Variants in RBFOX1 observed in about 807,000 individuals in gnomAD.
RBFOX1 encodes RNA binding protein fox-1 homolog 1.
A neutral mutation model predicts 57.7 loss-of-function variants in RBFOX1; 8 were observed. That is an observed-to-expected ratio of 0.14 (90% CI 0.08 to 0.25). The LOEUF (loss-of-function observed/expected upper bound fraction) is 0.25. RBFOX1 is among the 10% of genes least tolerant of loss of function. The pLI, the probability that RBFOX1 is intolerant of heterozygous loss-of-function variation, is 1.00. For missense variants in RBFOX1, 611 were observed against 548.5 expected (o/e 1.11, Z -1.14); for synonymous variants, 326 against 222.4 (o/e 1.47, Z -4.15).
chr16:5,670,244 G>A (rs1449181273), intron 3 of RBFOX1, among the ~76,000 whole-genome samples: 1 of 152,134 alleles, frequency 6.6e-6, no homozygotes, highest in Non-Finnish European at 1.5e-5. Flanking sequence ...AAATGTTCTG[G>A]ACTCAGATAG....
intron 3 of RBFOX1, among the ~76,000 whole-genome samples, chr16:6,718,000 C>T (rs1360461110): frequency 2.0e-5 from 3 of 152,276 alleles, no homozygotes; most frequent in African/African-American, 7.2e-5. Context: ...CCATTTTCTA[C>T]CACCACCACC....
chr16:7,143,233 C>G (rs190543606), intron 4 of RBFOX1, among the ~76,000 whole-genome samples: 53 of 151,852 alleles, frequency 3.5e-4, no homozygotes, highest in African/African-American at 1.2e-3. Context: ...GTGTTTTGAT[C>G]AGGGAAAATT....
At chr16:6,812,808 C>A (rs774436355) in intron 3 of RBFOX1, among the ~76,000 whole-genome samples, 3 of 152,258 alleles carry the variant, frequency 2.0e-5, no homozygotes, top group East Asian at 1.9e-4. Flanking sequence ...CTGTTTTACT[C>A]CATTAGGTTT....
chr16:7,469,097 C>G (rs1448425622), intron 4 of RBFOX1, among the ~76,000 whole-genome samples: 1 of 152,098 alleles, frequency 6.6e-6, no homozygotes, highest in African/African-American at 2.4e-5. Context: ...CCATGCCCGG[C>G]TAATTTTTTT....
At chr16:7,033,476 C>G (rs894005396) in intron 3 of RBFOX1, among the ~76,000 whole-genome samples, 2 of 152,080 alleles carry the variant, frequency 1.3e-5, no homozygotes, top group African/African-American at 4.8e-5. Context: ...GCCAAGATTG[C>G]GCCACTGCAG....
At chr16:7,109,464 G>A (rs985623756) in intron 4 of RBFOX1, among the ~76,000 whole-genome samples, 1 of 152,140 alleles carries the variant, frequency 6.6e-6, no homozygotes, top group Non-Finnish European at 1.5e-5. Context: ...CCAGGTGGAT[G>A]TATGGAAGGA....
At chr16:6,412,553 T>C (rs550520140) in intron 2 of RBFOX1, among the ~76,000 whole-genome samples, 1 of 152,360 alleles carries the variant, frequency 6.6e-6, no homozygotes, top group South Asian at 2.1e-4. Context: ...CCAATGTCTT[T>C]GAAACCTTTT....
intron 4 of RBFOX1, among the ~76,000 whole-genome samples, chr16:5,884,250 C>A (rs773730530): frequency 4.6e-5 from 7 of 152,158 alleles, no homozygotes; most frequent in Non-Finnish European, 1.0e-4. Context: ...CTTCATGCCT[C>A]CCCAGCAGAG....
chr16:7,381,010 T>C (rs1473469691), intron 4 of RBFOX1, among the ~76,000 whole-genome samples: 2 of 152,364 alleles, frequency 1.3e-5, no homozygotes, highest in East Asian at 1.9e-4. Context: ...CTGTCTTGCA[T>C]GAAACACTTT....
At chr16:6,381,317 C>T (rs750786231) in intron 2 of RBFOX1, among the ~76,000 whole-genome samples, 6 of 152,260 alleles carry the variant, frequency 3.9e-5, no homozygotes, top group Admixed American at 2.6e-4. Context: ...TTTTTCAACC[C>T]TCACCTCCCT....
At chr16:6,929,007 G>A (rs1409463400) in intron 3 of RBFOX1, among the ~76,000 whole-genome samples, 8 of 152,082 alleles carry the variant, frequency 5.3e-5, no homozygotes, top group Admixed American at 2.6e-4. Context: ...TCACAGACAC[G>A]CATGCTTGAG....
chr16:6,537,387 G>T (rs1268628535), intron 2 of RBFOX1, among the ~76,000 whole-genome samples: 1 of 152,074 alleles, frequency 6.6e-6, no homozygotes. Context: ...AATTGTGTAG[G>T]TATTCATATA....
In RBFOX1 at chr16:7,372,052, GC is replaced by G. The variant is rs1949176415; in HGVS notation, c.28-146092del. On this transcript the variant is annotated intron_variant, in intron 4 of 15. Transcript: ENST00000550418. ...ATATTTAAATAAAACATATATATGG[GC>G]CCTGATTACTTTTTACTGCCATGTT... 2.6e-5 allele frequency among the ~76,000 whole-genome samples: 4 copies of G among 151,936 alleles called. No individual in the cohort carries two copies. The South Asian group carries it at 8.3e-4, about 32-fold the overall frequency.
intron 4 of RBFOX1, among the ~76,000 whole-genome samples, chr16:7,106,984 A>AAACACACACACACACACACACACACAC (rs529197707): frequency 6.7e-6 from 1 of 148,514 alleles, no homozygotes; most frequent in Admixed American, 6.7e-5. Context: ...ACACAGTTAA[A>AAACACACACACACACACACACACACAC]ACACACACAC....
At chr16:7,709,250 C>A in intron 15 of RBFOX1, 119 bp downstream of exon 15, 2 of 1,052,354 alleles carry the variant, frequency 1.9e-6, no homozygotes, top group Non-Finnish European at 2.7e-6. Flanking sequence ...GTCTCTTGTG[C>A]TAACAGCAGC....
intron 4 of RBFOX1, among the ~76,000 whole-genome samples, chr16:7,150,977 G>A (rs922756909): frequency 1.9e-4 from 29 of 152,114 alleles, no homozygotes; most frequent in Admixed American, 1.4e-3. Context: ...ATTACATTGG[G>A]CCACATCTTG....
intron 2 of RBFOX1, among the ~76,000 whole-genome samples, chr16:6,433,207 T>C (rs1195181577): frequency 2.6e-5 from 4 of 152,158 alleles, no homozygotes; most frequent in Non-Finnish European, 5.9e-5. Flanking sequence ...TGTGTAGGTA[T>C]AGCTGATGGG....
chr16:7,208,525 A>G (rs1386435011), intron 4 of RBFOX1, among the ~76,000 whole-genome samples: 1 of 152,052 alleles, frequency 6.6e-6, no homozygotes, highest in Non-Finnish European at 1.5e-5. Flanking sequence ...AGTGGGGAGG[A>G]GCCAGGCTCT....
At chr16:6,059,628 A>AGTAAAT (rs1207260514) in intron 1 of RBFOX1, among the ~76,000 whole-genome samples, 7 of 152,132 alleles carry the variant, frequency 4.6e-5, no homozygotes, top group Non-Finnish European at 7.4e-5. Flanking sequence ...TATATTTTTG[A>AGTAAAT]CACTTGAGGT....
Sources: allele counts gnomAD v4.1 joint callset (sites outside exome capture counted in the v4.1 genomes callset), GRCh38; gene constraint gnomAD v4.1.1; transcripts MANE v1.5; gene names NCBI Gene and HGNC (gene_info 2026-07-23, HGNC 2026-07-21).